Variants in ELL2 observed in about 807,000 individuals in gnomAD.
ELL2 encodes the protein elongation factor for RNA polymerase II 2.
Under a neutral mutation model 72.8 loss-of-function variants are expected in ELL2, and 21 were observed. The observed-to-expected ratio is 0.29, with a 90% CI of 0.20 to 0.42. The LOEUF (loss-of-function observed/expected upper bound fraction) is 0.42. Ranked by LOEUF, ELL2 falls within the 10% of genes least tolerant of loss-of-function variation. The pLI is 1.00. For missense variants in ELL2, 568 were observed against 772.8 expected (o/e 0.73, Z 3.14); for synonymous variants, 266 against 283.2 (o/e 0.94, Z 0.61).
intron 4 of ELL2, among the ~76,000 whole-genome samples, chr5:95,910,821 C>G (rs1749561619): frequency 6.6e-6 from 1 of 152,164 alleles, no homozygotes; most frequent in African/African-American, 2.4e-5. Flanking sequence ...CATAGGTAAA[C>G]TTCTGGCATC....
Position 95,906,788 on chromosome 5 carries a change from G to T in ELL2, c.482-6C>A, listed in dbSNP as rs755779346. On this transcript the variant is annotated splice_region_variant and splice_polypyrimidine_tract_variant and intron_variant, in intron 4 of 11. Coordinates refer to ENST00000237853, the MANE Select transcript of ELL2 (RefSeq NM_012081.6). The stretch of plus-strand genomic sequence containing the variant: ...CCGAATTTGCACTCTTTTCCCTAAA[G>T]TCCAGTGGAAATGACATTGTTACAC... 6.2e-7 allele frequency: 1 copy of T among 1,604,970 alleles called. No individual in the cohort carries two copies. The highest frequency in any genetic ancestry group is 8.5e-7 in the Non-Finnish European group (1 of 1,174,302).
intron 9 of ELL2, among the ~76,000 whole-genome samples, chr5:95,891,784 A>G (rs1056641854): frequency 6.6e-6 from 1 of 152,216 alleles, no homozygotes; most frequent in Non-Finnish European, 1.5e-5. Flanking sequence ...CTGCTAGCAG[A>G]CATCTTCAAC....
chr5:95,930,938 T>G (rs1037582104), intron 2 of ELL2, among the ~76,000 whole-genome samples: 2 of 152,200 alleles, frequency 1.3e-5, no homozygotes, highest in African/African-American at 2.4e-5. Context: ...TGGTGCCAAC[T>G]ATTTGGAGAA....
At chr5:95,944,136 C>T (rs1751070725) in intron 1 of ELL2, among the ~76,000 whole-genome samples, 1 of 152,126 alleles carries the variant, frequency 6.6e-6, no homozygotes. Context: ...CTTCCAAATG[C>T]TTCCCAAAAC....
intron 2 of ELL2, among the ~76,000 whole-genome samples, chr5:95,932,365 C>T (rs974696207): frequency 6.6e-6 from 1 of 152,068 alleles, no homozygotes; most frequent in African/African-American, 2.4e-5. Flanking sequence ...AAAAAGATTT[C>T]TAAGGATGGT....
In ELL2 at chr5:95,961,749, C is replaced by A. The variant is rs1396548326; in HGVS notation, c.-28G>T. 6.3e-7 allele frequency: 1 copy of A among 1,576,488 alleles called. No homozygotes were observed. The highest frequency in any genetic ancestry group is 1.8e-5 in the Admixed American group (1 of 55,458). On this transcript the variant is annotated 5_prime_UTR_variant, in exon 1 of 12. Transcript: ENST00000237853. ...TAAACTCCCCGGGGTGCCGCCGCCGCCGCCGCTCCGGCTCTAGCCTCCACT... is the reference window on the plus strand; with the variant it reads ...TAAACTCCCCGGGGTGCCGCCGCCGACGCCGCTCCGGCTCTAGCCTCCACT...
At chr5:95,918,235 T>C (rs1350953447) in intron 3 of ELL2, among the ~76,000 whole-genome samples, 1 of 152,220 alleles carries the variant, frequency 6.6e-6, no homozygotes, top group Non-Finnish European at 1.5e-5. Flanking sequence ...CCACAAAATG[T>C]GGTTAGTGTG....
chr5:95,896,934 G>T (rs1386770496), intron 8 of ELL2, among the ~76,000 whole-genome samples: 1 of 152,188 alleles, frequency 6.6e-6, no homozygotes, highest in Non-Finnish European at 1.5e-5. Context: ...GTGGAGAGTG[G>T]AGTTTACCCA....
chr5:95,943,341 T>C (rs913498162), intron 1 of ELL2, among the ~76,000 whole-genome samples: 3 of 152,170 alleles, frequency 2.0e-5, no homozygotes, highest in Non-Finnish European at 2.9e-5. Flanking sequence ...CTTTTCATTA[T>C]ATACTTTCTT....
At chr5:95,909,620 C>A (rs1749504099) in intron 4 of ELL2, among the ~76,000 whole-genome samples, 1 of 152,110 alleles carries the variant, frequency 6.6e-6, no homozygotes, top group Admixed American at 6.5e-5. Context: ...CAGAAAAAAG[C>A]CATTTTAATA....
At chr5:95,915,470 C>A (rs940397490) in intron 3 of ELL2, among the ~76,000 whole-genome samples, 1 of 152,206 alleles carries the variant, frequency 6.6e-6, no homozygotes, top group African/African-American at 2.4e-5. Context: ...CACACAAAAA[C>A]CAGTTAATTC....
In ELL2 at chr5:95,961,843, T is replaced by C; in HGVS notation, c.-122A>G. On this transcript the variant is annotated 5_prime_UTR_variant, in exon 1 of 12. Coordinates refer to ENST00000237853, the MANE Select transcript of ELL2 (RefSeq NM_012081.6). ...GGGCCATCCCGCTGCTGACGTACTG[T>C]CATATACTGCGCGGAGCCAGACCTC... 7.8e-7 allele frequency: 1 copy of C among 1,282,018 alleles called. No individual in the cohort carries two copies. The highest frequency in any genetic ancestry group is 3.3e-5 in the Admixed American group (1 of 30,070). 79.4% of individuals were successfully genotyped at this position (1,282,018 alleles called of 1,614,324 possible). A position where few individuals can be genotyped will look rare whatever the true frequency, so the allele number is the denominator to read the frequency against.
intron 11 of ELL2, 44 bp downstream of exon 11, chr5:95,889,042 A>T: frequency 1.9e-6 from 3 of 1,594,154 alleles, no homozygotes; most frequent in Non-Finnish European, 2.6e-6. Flanking sequence ...AATTTACAAC[A>T]TTTTTCAACC....
intron 4 of ELL2, among the ~76,000 whole-genome samples, chr5:95,912,475 A>G (rs978659068): frequency 1.3e-5 from 2 of 152,218 alleles, no homozygotes; most frequent in African/African-American, 2.4e-5. Flanking sequence ...CATAGTTTAT[A>G]CTTAAATGTA....
At chr5:95,960,495 C>T (rs934454580) in intron 1 of ELL2, among the ~76,000 whole-genome samples, 1 of 152,028 alleles carries the variant, frequency 6.6e-6, no homozygotes, top group Admixed American at 6.6e-5. Context: ...ATCTGAGCCT[C>T]TCTCTGTACT....
chr5:95,931,796 T>TAAAAAAAAAA lies in ELL2; in HGVS notation c.195+11196_195+11205dup, dbSNP rs368583353. The stretch of plus-strand genomic sequence containing the variant: ...CACTGCTTCCCAAGTGCCCTATCCA[T>TAAAAAAAAAA]AAAAAAAAAAAAAAAAAAAAAAAAA... On this transcript the variant is annotated intron_variant, in intron 2 of 11. Coordinates refer to ENST00000237853, the MANE Select transcript of ELL2 (RefSeq NM_012081.6). Among the ~76,000 whole-genome samples the TAAAAAAAAAA allele has an allele frequency of 5.5e-4, 40 of 72,528 alleles. 3 individuals carry two copies. The highest frequency in any genetic ancestry group is 2.6e-3 in the African/African-American group (39 of 15,264). The allele number at this position is 72,528 out of a possible 152,430, so 47.6% of individuals were successfully genotyped here. A position where few individuals can be genotyped will look rare whatever the true frequency, so the allele number is the denominator to read the frequency against.
intron 2 of ELL2, among the ~76,000 whole-genome samples, chr5:95,921,039 T>A (rs1750057811): frequency 6.6e-6 from 1 of 151,878 alleles, no homozygotes; most frequent in Admixed American, 6.6e-5. Flanking sequence ...AACCACTGAA[T>A]TGCTCAATCT....
intron 5 of ELL2, among the ~76,000 whole-genome samples, chr5:95,904,294 T>C (rs148032474): frequency 6.6e-6 from 1 of 152,324 alleles, no homozygotes; most frequent in African/African-American, 2.4e-5. Flanking sequence ...TAAGTTGAAT[T>C]GAATGAATGA....
At chr5:95,893,632 A>G (rs1186187606) in intron 9 of ELL2, among the ~76,000 whole-genome samples, 2 of 151,982 alleles carry the variant, frequency 1.3e-5, no homozygotes, top group African/African-American at 4.8e-5. Context: ...TGATCCGCCC[A>G]CCTCGGCCTC....
Sources: gnomAD v4.1 joint callset for allele counts (sites outside exome capture counted in the v4.1 genomes callset) on GRCh38, gnomAD v4.1.1 for gene constraint, MANE v1.5 for transcripts, NCBI Gene and HGNC (gene_info 2026-07-23, HGNC 2026-07-21) for gene names.